NCMAP: variants seen among roughly 807,000 people sequenced by gnomAD.
NCMAP encodes noncompact myelin-associated protein.
NCMAP carries 8 observed loss-of-function variants against 7.8 expected under a neutral mutation model. The observed-to-expected ratio is 1.02, with a 90% CI of 0.60 to 1.84. NCMAP has a LOEUF of 1.84. Ranked by LOEUF, NCMAP falls within the 40% of genes most tolerant of loss-of-function variation. The pLI, the probability that NCMAP is intolerant of heterozygous loss-of-function variation, is 0.00. For synonymous variants in NCMAP, 41 were observed against 52.9 expected (o/e 0.78, Z 0.98); for missense variants, 112 against 131.4 (o/e 0.85, Z 0.72).
chr1:24,587,771 C>G (rs958607269), intron 1 of NCMAP, among the ~76,000 whole-genome samples: 1 of 152,012 alleles, frequency 6.6e-6, no homozygotes, highest in African/African-American at 2.4e-5. Flanking sequence ...CCTCGGCCTC[C>G]CAAAATGCTG....
At chr1:24,589,128 G>A (rs1319321642) in intron 1 of NCMAP, among the ~76,000 whole-genome samples, 1 of 152,122 alleles carries the variant, frequency 6.6e-6, no homozygotes, top group African/African-American at 2.4e-5. Context: ...TTACAGGACT[G>A]GTATGAAGAT....
At chr1:24,602,215 C>T (rs1652523888) in intron 3 of NCMAP, among the ~76,000 whole-genome samples, 1 of 152,128 alleles carries the variant, frequency 6.6e-6, no homozygotes, top group Non-Finnish European at 1.5e-5. Context: ...GTCTTAACAA[C>T]TGGTGTGTCT....
At chr1:24,577,414 T>TTTTTTG (rs1651613181) in intron 1 of NCMAP, among the ~76,000 whole-genome samples, 5 of 145,192 alleles carry the variant, frequency 3.4e-5, no homozygotes, top group Non-Finnish European at 6.0e-5. Flanking sequence ...TTTTTTTTTT[T>TTTTTTG]TTTTTTTTTT....
In NCMAP at chr1:24,571,625, G is replaced by A. The variant is rs180688191; in HGVS notation, c.-8+15456G>A. On this transcript the variant is annotated intron_variant, in intron 1 of 3. Coordinates refer to ENST00000374392, the MANE Select transcript of NCMAP (RefSeq NM_001010980.5). The stretch of plus-strand genomic sequence containing the variant: ...CTTTGAGATGGAGTCTTGCTCTGTC[G>A]CCCAGGCTGAAGTGACATGGCACGA... 1.9e-3 allele frequency among the ~76,000 whole-genome samples: 283 copies of A among 149,242 alleles called. 15 individuals carry two copies. The highest frequency in any genetic ancestry group is 6.8e-3 in the Middle Eastern group (2 of 294).
chr1:24,604,199 G>A (rs943606602), intron 3 of NCMAP, among the ~76,000 whole-genome samples: 3 of 152,106 alleles, frequency 2.0e-5, no homozygotes, highest in African/African-American at 7.2e-5. Context: ...TTTTTTGGGG[G>A]CCACATTCAA....
chr1:24,599,725 A>ATGTG (rs1652399738), intron 2 of NCMAP, among the ~76,000 whole-genome samples: 1 of 150,972 alleles, frequency 6.6e-6, no homozygotes, highest in Non-Finnish European at 1.5e-5. Flanking sequence ...TTACAGGCAC[A>ATGTG]TGCCATCACG....
chr1:24,583,262 G>A (rs1450761288), intron 1 of NCMAP, among the ~76,000 whole-genome samples: 1 of 152,214 alleles, frequency 6.6e-6, no homozygotes, highest in Non-Finnish European at 1.5e-5. Context: ...CAAGGATGCT[G>A]CGATGGTGCT....
Position 24,577,694 on chromosome 1 carries a change from C to T in NCMAP, c.-7-17730C>T, listed in dbSNP as rs1030019628. Among the ~76,000 whole-genome samples, 12 of 151,884 alleles carry T rather than the reference C, an allele frequency of 7.9e-5. No individual in the cohort carries two copies. In the East Asian group the frequency reaches 1.9e-3, roughly 24 times the overall value. ...TTTTTTCTCAGAAGTTTTCAGTTGC[C>T]CTGTTCATGGCATAGATATTAACTA... is the stretch of plus-strand genomic sequence containing the variant. On this transcript the variant is annotated intron_variant, in intron 1 of 3. Coordinates refer to ENST00000374392, the MANE Select transcript of NCMAP (RefSeq NM_001010980.5).
chr1:24,595,789 T>G (rs1652203617), intron 2 of NCMAP, among the ~76,000 whole-genome samples: 1 of 127,566 alleles, frequency 7.8e-6, no homozygotes, highest in Non-Finnish European at 1.6e-5. Flanking sequence ...GGGACTGGAC[T>G]GTGTCTTTTT....
chr1:24,556,681 AG>A, intron 1 of NCMAP, among the ~76,000 whole-genome samples: 1 of 152,020 alleles, frequency 6.6e-6, no homozygotes, highest in South Asian at 2.1e-4. Context: ...GCACGTTTGG[AG>A]GGGCTCGGGG....
chr1:24,600,844 T>C (rs1652460005), intron 2 of NCMAP, 96 bp from the exon 3 acceptor site: 2 of 1,019,476 alleles, frequency 2.0e-6, no homozygotes, highest in East Asian at 2.4e-5. Context: ...CCTGCCTCCC[T>C]TGACCTAGTG....
intron 1 of NCMAP, among the ~76,000 whole-genome samples, chr1:24,567,674 A>G (rs1320741348): frequency 1.3e-5 from 2 of 152,210 alleles, no homozygotes; most frequent in Non-Finnish European, 2.9e-5. Flanking sequence ...TGTGAGCCCA[A>G]GGGGACATAA....
chr1:24,586,821 G>A (rs1231581478), intron 1 of NCMAP, among the ~76,000 whole-genome samples: 3 of 150,612 alleles, frequency 2.0e-5, no homozygotes, highest in Non-Finnish European at 2.9e-5. Context: ...GGCCATTAAC[G>A]AGCATAAGGA....
intron 1 of NCMAP, among the ~76,000 whole-genome samples, chr1:24,558,279 G>A (rs1650962582): frequency 6.6e-6 from 1 of 152,174 alleles, no homozygotes; most frequent in Non-Finnish European, 1.5e-5. Flanking sequence ...TAGAAAAGCA[G>A]GGAGCAAGGC....
chr1:24,601,100 G>A, intron 3 of NCMAP, 76 bp downstream of exon 3: 1 of 1,205,248 alleles, frequency 8.3e-7, no homozygotes, highest in Non-Finnish European at 1.2e-6. Flanking sequence ...GGTGATATAT[G>A]GGTGTCCGTC....
chr1:24,608,506 G>A lies in NCMAP; in HGVS notation c.*2759G>A, dbSNP rs955210955. On this transcript the variant is annotated 3_prime_UTR_variant, in exon 4 of 4. Transcript: ENST00000374392. ...ATTCAAGCTACTACTTAGGCCCAAGGAGCAAGGGGTAGAATGGCATCTAAC... is the reference window on the plus strand; with the variant it reads ...ATTCAAGCTACTACTTAGGCCCAAGAAGCAAGGGGTAGAATGGCATCTAAC... The A allele has an allele frequency of 6.6e-6, 1 of 152,246 alleles. No individual in the cohort carries two copies. The highest frequency in any genetic ancestry group is 1.5e-5 in the Non-Finnish European group (1 of 68,076). The allele number at this position is 152,246 out of a possible 1,614,324, so 9.4% of individuals were successfully genotyped here.
In NCMAP at chr1:24,556,148, C is replaced by A; in HGVS notation, c.-29C>A. ...GAGCGCGGCGGTGCCGGCGGGAGGC[C>A]GAGCGGGGCTCGACAGAGCAGGTAG... On this transcript the variant is annotated 5_prime_UTR_variant, in exon 1 of 4. Transcript: ENST00000374392. 6.5e-6 allele frequency: 1 copy of A among 152,712 alleles called. No individual in the cohort carries two copies. The highest frequency in any genetic ancestry group is 1.9e-4 in the South Asian group (1 of 5,294). 9.5% of individuals were successfully genotyped at this position (152,712 alleles called of 1,614,324 possible).
At position 24,607,356 on chromosome 1, in the gene NCMAP, T is replaced by G. The variant is rs1035290211; in HGVS notation, c.*1609T>G. The G allele has an allele frequency of 1.3e-5, 2 of 151,616 alleles. No homozygotes were observed. The highest frequency in any genetic ancestry group is 4.9e-5 in the African/African-American group (2 of 40,986). 9.4% of individuals were successfully genotyped at this position (151,616 alleles called of 1,614,324 possible). A position where few individuals can be genotyped will look rare whatever the true frequency, so the allele number is the denominator to read the frequency against. On this transcript the variant is annotated 3_prime_UTR_variant, in exon 4 of 4. Coordinates refer to ENST00000374392, the MANE Select transcript of NCMAP (RefSeq NM_001010980.5). Reference sequence around the variant, plus strand: ...TTTTTTTCAATTGCAAGATAGACATTTCTTCACATTTTAATGATTCTGAAA... The same window carrying G: ...TTTTTTTCAATTGCAAGATAGACATGTCTTCACATTTTAATGATTCTGAAA...
intron 1 of NCMAP, among the ~76,000 whole-genome samples, chr1:24,560,862 T>C (rs1404622837): frequency 6.6e-6 from 1 of 152,040 alleles, no homozygotes; most frequent in African/African-American, 2.4e-5. Context: ...AACAAATGGT[T>C]AACTTGCTTG....
Sources: gnomAD v4.1 joint callset for allele counts (sites outside exome capture counted in the v4.1 genomes callset) on GRCh38, gnomAD v4.1.1 for gene constraint, MANE v1.5 for transcripts, NCBI Gene and HGNC (gene_info 2026-07-23, HGNC 2026-07-21) for gene names.